Variants in ZNF324B observed in about 807,000 individuals in gnomAD.
ZNF324B encodes the protein zinc finger protein 324B.
ZNF324B carries 7 observed loss-of-function variants against 10.6 expected under a neutral mutation model. That is an observed-to-expected ratio of 0.66 (90% confidence interval 0.38 to 1.24). The LOEUF (loss-of-function observed/expected upper bound fraction) is 1.24, where lower values mean the gene tolerates loss of function less well. ZNF324B is among the 50% of genes most tolerant of loss of function. ZNF324B has a pLI of 0.02. For missense variants in ZNF324B, 640 were observed against 764.7 expected, an observed-to-expected ratio of 0.84 and a Z score of 1.92; for synonymous variants, 316 against 321.0, an observed-to-expected ratio of 0.98 and a Z score of 0.17.
chr19:58,422,426 AAAG>A, the ZNF324B span, among the ~76,000 whole-genome samples: 1 of 152,180 alleles, frequency 6.6e-6, no homozygotes, highest in Non-Finnish European at 1.5e-5. Flanking sequence ...AGGCAAGAGA[AAAG>A]AAAAGGTATC....
chr19:58,444,619 C>T, the ZNF324B span: 1 of 152,304 alleles, frequency 6.6e-6, no homozygotes, highest in Non-Finnish European at 1.5e-5. Context: ...GACCTGTCAC[C>T]AGACACTAGG....
chr19:58,437,538 C>G, the ZNF324B span, among the ~76,000 whole-genome samples: 1 of 152,240 alleles, frequency 6.6e-6, no homozygotes, highest in African/African-American at 2.4e-5. Context: ...CTGGCTCATA[C>G]CTCCCAAACA....
the ZNF324B span, chr19:58,433,075 A>G: frequency 3.7e-6 from 2 of 540,342 alleles, no homozygotes; most frequent in East Asian, 6.0e-5. Flanking sequence ...TTCCCCATGC[A>G]TGAGGACAGG....
intron 1 of ZNF324B, 75 bp downstream of exon 1, chr19:58,451,779 G>A: frequency 6.2e-6 from 2 of 323,002 alleles, no homozygotes; most frequent in Non-Finnish European, 1.2e-5. Context: ...CCCGGGGGCG[G>A]TCGGGCCCCG....
chr19:58,435,335 A>G, the ZNF324B span: 8 of 1,109,898 alleles, frequency 7.2e-6, no homozygotes, highest in South Asian at 1.3e-4. Flanking sequence ...ACAGGCCAAC[A>G]GGGCCATCAT....
intron 1 of ZNF324B, 28 bp from the exon 2 acceptor site, chr19:58,453,668 G>A (rs2052884032): frequency 6.2e-7 from 1 of 1,614,170 alleles, no homozygotes; most frequent in Non-Finnish European, 8.5e-7. Context: ...CTTAGACCAT[G>A]CCTACCTCCA....
the ZNF324B span, chr19:58,441,448 T>G: frequency 1.3e-5 from 2 of 152,258 alleles, no homozygotes; most frequent in Non-Finnish European, 2.9e-5. Context: ...ATGGAATTTT[T>G]TGCTACCTTA....
At chr19:58,440,262 G>A in the ZNF324B span, 5 of 224,778 alleles carry the variant, frequency 2.2e-5, no homozygotes, top group South Asian at 9.7e-5. Flanking sequence ...CCCTATGCCC[G>A]TCACGCTACT....
the ZNF324B span, among the ~76,000 whole-genome samples, chr19:58,423,490 T>A: frequency 8.5e-5 from 13 of 152,322 alleles, no homozygotes; most frequent in Non-Finnish European, 1.8e-4. Flanking sequence ...ATGACCATAC[T>A]GCCCAAAGCA....
rs2052926580 is a variant in ZNF324B at position 58,456,695 on chromosome 19, G to A, written c.*116G>A. 1 of 1,303,182 alleles carries A rather than the reference G, an allele frequency of 7.7e-7. No individual in the cohort carries two copies. Among genetic ancestry groups the A allele is most frequent in the African/African-American group, 1.5e-5 (1 of 67,062 alleles). The allele number at this position is 1,303,182 out of a possible 1,614,324, so 80.7% of individuals were successfully genotyped here. ...GAAAAGCTCTGTGCCTGAGAGTCAG[G>A]GACGAGGGAGACCCTTTGGCTGTGG... On this transcript the variant is annotated 3_prime_UTR_variant, in exon 4 of 4. Transcript: ENST00000336614. The surrounding 1 kb of genome is among the most constrained non-coding windows in gnomAD (Gnocchi z 4.7).
At chr19:58,433,231 T>G in the ZNF324B span, 2 of 1,329,878 alleles carry the variant, frequency 1.5e-6, no homozygotes, top group Non-Finnish European at 2.1e-6. Flanking sequence ...TAGCAGTACA[T>G]GTAGGTAATT....
chr19:58,442,966 T>G, the ZNF324B span: 1 of 152,218 alleles, frequency 6.6e-6, no homozygotes, highest in African/African-American at 2.4e-5. Context: ...TATTTGGCCC[T>G]GCCCACATCC....
At chr19:58,447,068 C>T (rs12983165), upstream of ZNF324B, among the ~76,000 whole-genome samples, 25,617 of 151,986 alleles carry the variant, frequency 0.17, 2,393 homozygotes, top group Non-Finnish European at 0.21. Context: ...CTCTGCCTCC[C>T]GGTTTCAAGC....
chr19:58,454,837 C>T (rs1031381757), intron 3 of ZNF324B: 26 of 527,162 alleles, frequency 4.9e-5, no homozygotes, highest in Non-Finnish European at 7.2e-5. Context: ...GTGCCCAAGA[C>T]GGGGCACCAG....
At chr19:58,439,958 G>T in the ZNF324B span, 2 of 856,290 alleles carry the variant, frequency 2.3e-6, no homozygotes, top group Non-Finnish European at 3.6e-6. Context: ...CGAAGGCTGG[G>T]TATGGAGACC....
At chr19:58,436,315 C>G in the ZNF324B span, 1 of 154,392 alleles carries the variant, frequency 6.5e-6, no homozygotes, top group Non-Finnish European at 1.5e-5. Flanking sequence ...AATCACTAGA[C>G]TGTGTACTTT....
At chr19:58,445,203 C>G in the ZNF324B span, 1 of 295,868 alleles carries the variant, frequency 3.4e-6, no homozygotes, top group Admixed American at 5.2e-5. Flanking sequence ...AATATGAAAC[C>G]TCATCCTGCA....
At chr19:58,419,994 G>A in the ZNF324B span, among the ~76,000 whole-genome samples, 157 of 152,222 alleles carry the variant, frequency 1.0e-3, 3 homozygotes, top group Non-Finnish European at 4.3e-4. Flanking sequence ...AGAAAAAATC[G>A]TTTTAGGCTG....
At chr19:58,433,083 A>C in the ZNF324B span, 1 of 478,332 alleles carries the variant, frequency 2.1e-6, no homozygotes, top group Non-Finnish European at 3.8e-6. Context: ...GCATGAGGAC[A>C]GGACTGCTGC....
Sources: gnomAD v4.1 joint callset for allele counts (sites outside exome capture counted in the v4.1 genomes callset) on GRCh38, gnomAD v4.1.1 for gene constraint, Gnocchi (gnomAD v3.1) non-coding constraint, MANE v1.5 for transcripts, NCBI Gene and HGNC (gene_info 2026-07-23, HGNC 2026-07-21) for gene names.